Variants in IFT80 observed in about 807,000 individuals in gnomAD.
IFT80 encodes the protein intraflagellar transport protein 80 homolog.
IFT80 carries 79 observed loss-of-function variants against 107.9 expected under a neutral mutation model. That is an observed-to-expected ratio of 0.73 (90% CI 0.61 to 0.88). IFT80 has a LOEUF of 0.88. Ranked by LOEUF, IFT80 falls within the 40% of genes least tolerant of loss-of-function variation. IFT80 has a pLI of 0.00. For synonymous variants in IFT80, 299 were observed against 300.9 expected (o/e 0.99, Z 0.07); for missense variants, 797 against 914.2 (o/e 0.87, Z 1.65).
At chr3:160,381,402 G>A (rs538842080) in intron 3 of IFT80, 101 bp downstream of exon 3, 100 of 865,926 alleles carry the variant, frequency 1.2e-4, no homozygotes, top group African/African-American at 4.4e-4. Context: ...AAAATATGCA[G>A]ATCCACAAAT....
At chr3:160,396,849 T>G (rs1474008428) in intron 1 of IFT80, among the ~76,000 whole-genome samples, 1 of 152,194 alleles carries the variant, frequency 6.6e-6, no homozygotes, top group Non-Finnish European at 1.5e-5. Context: ...AAATTTATAC[T>G]TATTCTGAAT....
At position 160,384,018 on chromosome 3, in the gene IFT80, G is replaced by A. The variant is rs547726049; in HGVS notation, c.37+546C>T. The A allele has an allele frequency of 9.0e-6, 7 of 781,100 alleles. No homozygotes were observed. The African/African-American group carries it at 1.1e-4, about 13-fold the overall frequency. 48.4% of individuals were successfully genotyped at this position (781,100 alleles called of 1,614,324 possible). On this transcript the variant is annotated intron_variant, in intron 2 of 19. Coordinates refer to ENST00000326448, the MANE Select transcript of IFT80 (RefSeq NM_020800.3). Reference sequence around the variant, plus strand: ...CCAGCACTTTGGGAGGCTGGGGCGGGTGGATCACCTGAGGTCGAGAGTTCG... The same window carrying A: ...CCAGCACTTTGGGAGGCTGGGGCGGATGGATCACCTGAGGTCGAGAGTTCG...
At chr3:160,307,331 T>C (rs1339452018) in intron 10 of IFT80, among the ~76,000 whole-genome samples, 2 of 152,080 alleles carry the variant, frequency 1.3e-5, no homozygotes, top group African/African-American at 4.8e-5. Flanking sequence ...AAATTTTTTG[T>C]AGAGATGCGG....
intron 2 of IFT80, chr3:160,383,970 C>T (rs1228076415): frequency 6.1e-6 from 6 of 985,144 alleles, no homozygotes; most frequent in Non-Finnish European, 7.2e-6. Flanking sequence ...TTTGGCCAGG[C>T]GCGGTGGCTC....
At chr3:160,322,296 C>T (rs1355938511) in intron 8 of IFT80, among the ~76,000 whole-genome samples, 4 of 146,374 alleles carry the variant, frequency 2.7e-5, no homozygotes, top group East Asian at 2.0e-4. Flanking sequence ...TTTGGTTTTT[C>T]GTCCTTGCAA....
chr3:160,372,097 C>A (rs1298219870), intron 5 of IFT80, among the ~76,000 whole-genome samples: 3 of 152,164 alleles, frequency 2.0e-5, no homozygotes, highest in Non-Finnish European at 4.4e-5. Context: ...CTTTTTCTAT[C>A]TGAACATCTG....
Position 160,330,420 on chromosome 3 carries a change from A to G in IFT80, c.778-10481T>C, listed in dbSNP as rs75163599. On this transcript the variant is annotated intron_variant, in intron 8 of 19. Coordinates refer to ENST00000326448, the MANE Select transcript of IFT80 (RefSeq NM_020800.3). ...ATTATACAACCTTTTCTTAGCCTCT[A>G]AACCAGCTTCTCCTAGGTATGTGAA... Among the ~76,000 whole-genome samples, 1,423 of 152,304 alleles carry G rather than the reference A, an allele frequency of 9.3e-3. 28 individuals carry two copies. Among genetic ancestry groups the G allele is most frequent in the African/African-American group, 0.032 (1,319 of 41,562 alleles).
At position 160,307,686 on chromosome 3, in the gene IFT80, C is replaced by T. The variant is rs746236656; in HGVS notation, c.1053G>A (p.Thr351=). ...ACGAGAACACGTAACATTGAAGAGA[C>T]GTTGAAACAACTAAGTGTGCATAGT... ...SLNYAHLVVS[T]SLQCYVFSTK... Residue 351 remains threonine (T), a synonymous_variant, in exon 10 of 20, where the codon ACG becomes ACA. Transcript: ENST00000326448. 5 of 1,575,318 alleles carry T rather than the reference C, an allele frequency of 3.2e-6. No individual in the cohort carries two copies. Among genetic ancestry groups the T allele is most frequent in the East Asian group, 2.2e-5 (1 of 44,682 alleles).
intron 19 of IFT80, among the ~76,000 whole-genome samples, chr3:160,259,000 AG>A (rs1338723180): frequency 1.3e-5 from 2 of 151,990 alleles, no homozygotes; most frequent in African/African-American, 4.8e-5. Flanking sequence ...CCCAGCTATT[AG>A]GGAGGCTAAG....
chr3:160,358,943 T>C (rs1721296699), intron 6 of IFT80, among the ~76,000 whole-genome samples: 2 of 152,192 alleles, frequency 1.3e-5, no homozygotes. Flanking sequence ...CAGGTATGCA[T>C]TACATTTTTA....
chr3:160,322,038 ATTT>A (rs1205344629), intron 8 of IFT80, among the ~76,000 whole-genome samples: 4 of 134,308 alleles, frequency 3.0e-5, no homozygotes, highest in Non-Finnish European at 4.9e-5. Context: ...TTATTTATTT[ATTT>A]ATTATTATTA....
At chr3:160,371,668 C>G (rs879781855) in intron 5 of IFT80, among the ~76,000 whole-genome samples, 19 of 152,220 alleles carry the variant, frequency 1.2e-4, no homozygotes, top group Middle Eastern at 3.4e-3. Context: ...ATCTCCAGCT[C>G]CTGGGCTCAA....
chr3:160,365,091 A>G (rs1316628000), intron 6 of IFT80, among the ~76,000 whole-genome samples: 3 of 152,056 alleles, frequency 2.0e-5, no homozygotes, highest in South Asian at 2.1e-4. Flanking sequence ...TGCTGTATAA[A>G]TTTCATAGCA....
chr3:160,333,647 T>C (rs1273102914), intron 8 of IFT80, among the ~76,000 whole-genome samples: 1 of 152,220 alleles, frequency 6.6e-6, no homozygotes, highest in African/African-American at 2.4e-5. Context: ...CTTCCACCTC[T>C]ACATCTTGTC....
At chr3:160,285,310 A>C (rs1347022754) in intron 13 of IFT80, among the ~76,000 whole-genome samples, 1 of 152,240 alleles carries the variant, frequency 6.6e-6, no homozygotes, top group Admixed American at 6.5e-5. Context: ...AGGATAACTC[A>C]ATGCAATGTG....
intron 9 of IFT80, among the ~76,000 whole-genome samples, chr3:160,316,283 T>C (rs1717810796): frequency 6.6e-6 from 1 of 152,106 alleles, no homozygotes; most frequent in East Asian, 1.9e-4. Context: ...CAAATGACAC[T>C]GATGAACTGA....
chr3:160,272,449 T>C (rs1486140031), intron 18 of IFT80, among the ~76,000 whole-genome samples: 1 of 152,164 alleles, frequency 6.6e-6, no homozygotes, highest in Non-Finnish European at 1.5e-5. Flanking sequence ...AATTGATCAT[T>C]GTCGAAGTGA....
intron 2 of IFT80, chr3:160,383,725 G>T: frequency 4.1e-6 from 4 of 985,296 alleles, no homozygotes; most frequent in Non-Finnish European, 4.8e-6. Context: ...AGTGGGGCCT[G>T]TCATATCTCC....
At position 160,385,950 on chromosome 3, in the gene IFT80, T is replaced by C. The variant is rs531164057; in HGVS notation, c.-46-1304A>G. Among the ~76,000 whole-genome samples, 410 of 152,234 alleles carry C rather than the reference T, an allele frequency of 2.7e-3. 10 individuals are homozygous for C. Among genetic ancestry groups the C allele is most frequent in the Middle Eastern group, 3.4e-3 (1 of 294 alleles). ...ATGAGAATACAATAGATAACAACAA[T>C]ACACATAAAAACTGAATATACTATT... is the stretch of plus-strand genomic sequence containing the variant. On this transcript the variant is annotated intron_variant, in intron 1 of 19. Coordinates refer to ENST00000326448, the MANE Select transcript of IFT80 (RefSeq NM_020800.3).
Sources: gnomAD v4.1 joint callset for allele counts (sites outside exome capture counted in the v4.1 genomes callset) on GRCh38, gnomAD v4.1.1 for gene constraint, MANE v1.5 for transcripts, NCBI Gene and HGNC (gene_info 2026-07-23, HGNC 2026-07-21) for gene names.